The following ACTR3C variants were observed in gnomAD, a reference collection of about 807,000 sequenced individuals.
ACTR3C encodes actin-related protein 3C.
Under a neutral mutation model 26.3 loss-of-function variants are expected in ACTR3C, and 18 were observed. That is an observed-to-expected ratio of 0.68 (90% CI 0.47 to 1.01). ACTR3C has a LOEUF of 1.01. Among genes scored for constraint, ACTR3C ranks in the 50% least tolerant of loss-of-function variants. The pLI is 0.00. For missense variants in ACTR3C, 184 were observed against 250.7 expected, an observed-to-expected ratio of 0.73 and a Z score of 1.80; for synonymous variants, 55 against 94.5, an observed-to-expected ratio of 0.58 and a Z score of 2.42.
the ACTR3C span, among the ~76,000 whole-genome samples, chr7:150,064,651 C>CACACACACAT: frequency 7.1e-4 from 36 of 50,364 alleles, no homozygotes; most frequent in East Asian, 0.033. Flanking sequence ...TTTTCACATA[C>CACACACACAT]ACACACACAC....
the ACTR3C span, among the ~76,000 whole-genome samples, chr7:149,930,621 G>A: frequency 1.3e-5 from 2 of 152,142 alleles, no homozygotes; most frequent in Non-Finnish European, 2.9e-5. Context: ...CATCTGACAG[G>A]TCAGCAGCCT....
Position 150,256,863 on chromosome 7 carries a change from C to A in ACTR3C, c.565-7809G>T, listed in dbSNP as rs1410423315. On this transcript the variant is annotated intron_variant, in intron 6 of 7. Transcript: ENST00000683684. The stretch of plus-strand genomic sequence containing the variant: ...TAGAGAACATTCCACCCCAAAACAG[C>A]AAAATACACAGGCTTCTCAAGTAAA... 2.6e-5 allele frequency among the ~76,000 whole-genome samples: 4 copies of A among 151,974 alleles called. No homozygotes were observed. In the East Asian group the frequency reaches 5.8e-4, roughly 22 times the overall value.
chr7:150,145,049 CAAAAA>C, the ACTR3C span, among the ~76,000 whole-genome samples: 1 of 106,170 alleles, frequency 9.4e-6, no homozygotes, highest in Non-Finnish European at 2.0e-5. Context: ...GACTCCATCT[CAAAAA>C]AAAAAAAAAA....
intron 6 of ACTR3C, among the ~76,000 whole-genome samples, chr7:150,251,291 GGTT>G (rs1287109116): frequency 5.3e-5 from 8 of 151,864 alleles, no homozygotes; most frequent in African/African-American, 1.5e-4. Context: ...TTACTTTATT[GGTT>G]GTTATTTTTC....
the ACTR3C span, among the ~76,000 whole-genome samples, chr7:150,046,347 G>GCCCCCC: frequency 5.3e-4 from 9 of 17,014 alleles, no homozygotes; most frequent in African/African-American, 9.0e-4. Context: ...ATGTCTCACC[G>GCCCCCC]CCCCCCCCCC....
intron 1 of ACTR3C, among the ~76,000 whole-genome samples, chr7:150,307,666 G>T (rs2129614924): frequency 6.6e-6 from 1 of 152,226 alleles, no homozygotes; most frequent in East Asian, 1.9e-4. Flanking sequence ...CTCACACAAA[G>T]CCTGTTAGGT....
chr7:150,135,878 A>G, the ACTR3C span, among the ~76,000 whole-genome samples: 3 of 152,060 alleles, frequency 2.0e-5, no homozygotes, highest in East Asian at 3.8e-4. Context: ...AAAGGAAAAG[A>G]AAAGAAAAGA....
chr7:150,200,508 AAGCAT>A, the ACTR3C span, among the ~76,000 whole-genome samples: 1 of 152,220 alleles, frequency 6.6e-6, no homozygotes, highest in Non-Finnish European at 1.5e-5. Context: ...CACGGCCAAT[AAGCAT>A]AAGTGTTTAA....
the ACTR3C span, among the ~76,000 whole-genome samples, chr7:150,176,699 G>T: frequency 1.3e-5 from 2 of 150,846 alleles, no homozygotes; most frequent in Non-Finnish European, 2.9e-5. Context: ...CTAACCTAAT[G>T]TTTACTGAAG....
the ACTR3C span, among the ~76,000 whole-genome samples, chr7:150,228,897 TAGAG>T: frequency 1.3e-5 from 2 of 149,546 alleles, no homozygotes; most frequent in Non-Finnish European, 3.0e-5. Context: ...TATATATATA[TAGAG>T]AGAGTGTGTA....
chr7:150,034,479 C>A, the ACTR3C span, among the ~76,000 whole-genome samples: 13 of 151,464 alleles, frequency 8.6e-5, no homozygotes, highest in East Asian at 3.9e-4. Context: ...CATGTCCCCG[C>A]CCCCTTTGTG....
the ACTR3C span, among the ~76,000 whole-genome samples, chr7:150,067,348 A>G: frequency 4.9e-3 from 741 of 152,336 alleles, 3 homozygotes; most frequent in Middle Eastern, 0.01. Flanking sequence ...GGGGCAAAGA[A>G]AGGAAAAGAG....
chr7:150,009,335 A>G, the ACTR3C span, among the ~76,000 whole-genome samples: 2 of 152,218 alleles, frequency 1.3e-5, no homozygotes, highest in Admixed American at 1.3e-4. Context: ...GGAAGACAAG[A>G]GGCACAAGAA....
chr7:149,907,253 C>T, the ACTR3C span, among the ~76,000 whole-genome samples: 1,484 of 102,578 alleles, frequency 0.014, 31 homozygotes, highest in African/African-American at 0.053. Context: ...CTTCTCCACA[C>T]CCCCACAGCA....
At chr7:149,919,509 G>A in the ACTR3C span, among the ~76,000 whole-genome samples, 25 of 152,048 alleles carry the variant, frequency 1.6e-4, no homozygotes, top group African/African-American at 5.8e-4. Context: ...CAAAGTGCTG[G>A]GATTACAGGC....
chr7:150,094,084 A>G, the ACTR3C span, among the ~76,000 whole-genome samples: 1 of 150,356 alleles, frequency 6.7e-6, no homozygotes, highest in African/African-American at 2.5e-5. Context: ...TCAGCTTTCA[A>G]CTCGGGCCAC....
chr7:150,244,229 A>G (rs1348162885), downstream of ACTR3C: 1 of 37,118 alleles, frequency 2.7e-5, no homozygotes, highest in African/African-American at 1.6e-4. Context: ...TGAATATTCA[A>G]TATAGTCTTA....
the ACTR3C span, among the ~76,000 whole-genome samples, chr7:149,955,352 T>TA: frequency 1.3e-5 from 2 of 151,984 alleles, no homozygotes; most frequent in Non-Finnish European, 2.9e-5. Flanking sequence ...ATTAACTGAT[T>TA]AATTGATTAA....
chr7:150,291,355 G>A (rs1836247808), intron 3 of ACTR3C, among the ~76,000 whole-genome samples: 1 of 152,154 alleles, frequency 6.6e-6, no homozygotes, highest in African/African-American at 2.4e-5. Flanking sequence ...CTTGAACCTG[G>A]GAGGCAGAGG....
Sources: allele counts gnomAD v4.1 joint callset (sites outside exome capture counted in the v4.1 genomes callset), GRCh38; gene constraint gnomAD v4.1.1; transcripts MANE v1.5; gene names NCBI Gene and HGNC (gene_info 2026-07-23, HGNC 2026-07-21).